Variants in POU6F2 observed in about 807,000 individuals in gnomAD.
The protein encoded by POU6F2 is POU domain, class 6, transcription factor 2.
POU6F2 carries 31 observed loss-of-function variants against 71.3 expected under a neutral mutation model. The ratio of observed to expected loss-of-function variants is 0.43; its 90% CI spans 0.33 to 0.59. POU6F2 has a LOEUF of 0.59. Among genes scored for constraint, POU6F2 ranks in the 20% least tolerant of loss-of-function variants. POU6F2 has a pLI of 0.04. For synonymous variants in POU6F2, 347 were observed against 355.7 expected, an observed-to-expected ratio of 0.98 and a Z score of 0.27; for missense variants, 783 against 856.8, an observed-to-expected ratio of 0.91 and a Z score of 1.07.
chr7:39,022,528 A>G (rs1789699987), intron 1 of POU6F2, among the ~76,000 whole-genome samples: 1 of 152,080 alleles, frequency 6.6e-6, no homozygotes, highest in African/African-American at 2.4e-5. Flanking sequence ...AAAGCTCCCT[A>G]GTGCCTCAGA....
chr7:39,059,871 A>G (rs990403491), intron 1 of POU6F2, among the ~76,000 whole-genome samples: 16 of 152,238 alleles, frequency 1.1e-4, no homozygotes, highest in Admixed American at 9.8e-4. Flanking sequence ...GTATTTATAC[A>G]TGCTACAACA....
At chr7:39,419,221 A>C (rs1787794208) in intron 6 of POU6F2, among the ~76,000 whole-genome samples, 2 of 150,422 alleles carry the variant, frequency 1.3e-5, no homozygotes, top group South Asian at 4.2e-4. Flanking sequence ...TGGCTGATCT[A>C]AAGTAGAGTC....
At chr7:39,443,177 A>T (rs1319877520) in intron 7 of POU6F2, among the ~76,000 whole-genome samples, 2 of 152,050 alleles carry the variant, frequency 1.3e-5, no homozygotes, top group African/African-American at 4.8e-5. Context: ...AACCACCACC[A>T]CTGTCCTCTT....
At chr7:39,461,313 T>C (rs1480644887) in intron 9 of POU6F2, among the ~76,000 whole-genome samples, 1 of 152,148 alleles carries the variant, frequency 6.6e-6, no homozygotes, top group African/African-American at 2.4e-5. Context: ...ACCTTGCTCA[T>C]CTCCCCCAAA....
intron 1 of POU6F2, among the ~76,000 whole-genome samples, chr7:39,015,878 T>TATATA (rs1789500002): frequency 1.1e-4 from 5 of 45,218 alleles, no homozygotes; most frequent in Non-Finnish European, 1.6e-4. Flanking sequence ...TATATATAGA[T>TATATA]ATATATTATA....
chr7:39,264,964 C>T (rs760398552), intron 4 of POU6F2, among the ~76,000 whole-genome samples: 1 of 152,078 alleles, frequency 6.6e-6, no homozygotes, highest in African/African-American at 2.4e-5. Flanking sequence ...TATTGTCAGG[C>T]ATGGTCAGAG....
intron 4 of POU6F2, among the ~76,000 whole-genome samples, chr7:39,305,293 G>T (rs1785028821): frequency 3.3e-5 from 5 of 152,180 alleles, no homozygotes; most frequent in Admixed American, 3.3e-4. Context: ...ATACAATTAG[G>T]AATAATAATG....
intron 5 of POU6F2, among the ~76,000 whole-genome samples, chr7:39,369,241 C>CCCAA (rs1165720132): frequency 2.6e-5 from 4 of 152,148 alleles, no homozygotes; most frequent in Non-Finnish European, 5.9e-5. Context: ...CCACAGCCAG[C>CCCAA]CCAACCTCCA....
chr7:39,053,257 C>G (rs181071168), intron 1 of POU6F2, among the ~76,000 whole-genome samples: 14 of 152,144 alleles, frequency 9.2e-5, no homozygotes, highest in African/African-American at 3.4e-4. Context: ...TATGTTTGTT[C>G]CAGAAAGTAA....
chr7:39,005,220 A>G (rs1304024464), intron 1 of POU6F2: 1 of 152,292 alleles, frequency 6.6e-6, no homozygotes, highest in African/African-American at 2.4e-5. Context: ...CTGCTGTGAA[A>G]ACAATCAGTG....
intron 5 of POU6F2, among the ~76,000 whole-genome samples, chr7:39,377,343 C>T (rs1057248762): frequency 6.6e-6 from 1 of 152,062 alleles, no homozygotes; most frequent in Non-Finnish European, 1.5e-5. Flanking sequence ...GTTGGCCAGG[C>T]TGGTCTTGAA....
At chr7:39,389,513 A>T (rs1787020442) in intron 5 of POU6F2, among the ~76,000 whole-genome samples, 1 of 152,236 alleles carries the variant, frequency 6.6e-6, no homozygotes, top group Admixed American at 6.5e-5. Context: ...TGTGAAGGAT[A>T]GCAATTGATC....
At position 39,451,518 on chromosome 7, in the gene POU6F2, C is replaced by T. The variant is rs1788659723; in HGVS notation, c.1321-15C>T. 6.3e-7 allele frequency: 1 copy of T among 1,588,270 alleles called. No individual in the cohort carries two copies. The highest frequency in any genetic ancestry group is 8.6e-7 in the Non-Finnish European group (1 of 1,164,454). On this transcript the variant is annotated splice_polypyrimidine_tract_variant and intron_variant, in intron 7 of 9. Transcript: ENST00000518318. Reference sequence around the variant, plus strand: ...TTCATTCATTTGTGTATTTTTTTTACATCCCCTCATGTAGCTCCACCAACC... The same window carrying T: ...TTCATTCATTTGTGTATTTTTTTTATATCCCCTCATGTAGCTCCACCAACC...
intron 4 of POU6F2, among the ~76,000 whole-genome samples, chr7:39,293,860 T>C (rs532984630): frequency 2.0e-5 from 3 of 152,180 alleles, no homozygotes; most frequent in Admixed American, 6.5e-5. Context: ...GAAATTGCAC[T>C]GTCCCTGGGG....
chr7:38,982,606 G>A (rs1035717467), intron 1 of POU6F2, among the ~76,000 whole-genome samples: 2 of 151,850 alleles, frequency 1.3e-5, no homozygotes, highest in African/African-American at 4.8e-5. Flanking sequence ...ACATTTAAAT[G>A]GTAAAGTCAA....
chr7:39,286,223 A>G (rs1784647681), intron 4 of POU6F2, among the ~76,000 whole-genome samples: 1 of 152,212 alleles, frequency 6.6e-6, no homozygotes, highest in Non-Finnish European at 1.5e-5. Flanking sequence ...GCTGGGGGCT[A>G]CATTACATAG....
intron 4 of POU6F2, among the ~76,000 whole-genome samples, chr7:39,331,028 G>A (rs1265508860): frequency 6.6e-6 from 1 of 152,142 alleles, no homozygotes; most frequent in African/African-American, 2.4e-5. Context: ...AGATCATGTG[G>A]TATTTGTCTT....
chr7:39,377,487 T>C (rs774413060), intron 5 of POU6F2, among the ~76,000 whole-genome samples: 21 of 152,302 alleles, frequency 1.4e-4, no homozygotes, highest in Non-Finnish European at 5.9e-5. Context: ...AATGAAAATG[T>C]TTGCCATACT....
intron 2 of POU6F2, 42 bp downstream of exon 2, chr7:39,086,073 T>G (rs1375449022): frequency 6.3e-7 from 1 of 1,587,854 alleles, no homozygotes; most frequent in African/African-American, 1.3e-5. Flanking sequence ...TACCATGTTG[T>G]CCGGAAGAGC....
Sources: allele counts gnomAD v4.1 joint callset (sites outside exome capture counted in the v4.1 genomes callset), GRCh38; gene constraint gnomAD v4.1.1; transcripts MANE v1.5; gene names NCBI Gene and HGNC (gene_info 2026-07-23, HGNC 2026-07-21).